Variants in CALN1 observed in about 807,000 individuals in gnomAD.
The protein encoded by CALN1 is calneuron 1.
In CALN1, 17 loss-of-function variants were observed where a neutral mutation model predicts 30.6. The observed-to-expected ratio is 0.56, with a 90% CI of 0.38 to 0.83. CALN1 has a LOEUF of 0.83. Among genes scored for constraint, CALN1 ranks in the 40% least tolerant of loss-of-function variants. The pLI is 0.00. For synonymous variants in CALN1, 156 were observed against 131.4 expected (o/e 1.19, Z -1.28); for missense variants, 291 against 354.9 (o/e 0.82, Z 1.45).
At chr7:72,326,462 A>C (rs779741905) in intron 2 of CALN1, among the ~76,000 whole-genome samples, 1 of 152,230 alleles carries the variant, frequency 6.6e-6, no homozygotes, top group Non-Finnish European at 1.5e-5. Context: ...GCTGAGATGG[A>C]ATATGTGTTT....
At chr7:72,158,855 T>A (rs1049438498) in intron 3 of CALN1, among the ~76,000 whole-genome samples, 5 of 151,886 alleles carry the variant, frequency 3.3e-5, no homozygotes, top group Admixed American at 1.3e-4. Context: ...TATTTATTTA[T>A]TTGTTTGTTT....
chr7:72,161,293 G>C lies in CALN1; in HGVS notation c.245-54999C>G, dbSNP rs146567671. Among the ~76,000 whole-genome samples, 16 of 152,236 alleles carry C rather than the reference G, an allele frequency of 1.1e-4. No homozygotes were observed. In the East Asian group the frequency reaches 2.5e-3, roughly 24 times the overall value. ...CATGGTGATTAATCATCTACCTGTT[G>C]AGCTGGTGGTCATGGACTTCAGAAA... On this transcript the variant is annotated intron_variant, in intron 3 of 6. Transcript: ENST00000395275.
rs575859636 is a variant in CALN1 at position 72,189,907 on chromosome 7, T to C, written c.245-83613A>G. ...CATAGGATACAATACTTTGAATGCA[T>C]ATAGCCGAATTCTGTCTGCTAGTAG... On this transcript the variant is annotated intron_variant, in intron 3 of 6. Transcript: ENST00000395275. 1.3e-3 allele frequency among the ~76,000 whole-genome samples: 193 copies of C among 152,316 alleles called. No individual in the cohort carries two copies. In the Middle Eastern group the frequency reaches 0.02, roughly 16 times the overall value.
chr7:72,159,604 C>A (rs1787957504), intron 3 of CALN1, among the ~76,000 whole-genome samples: 1 of 152,112 alleles, frequency 6.6e-6, no homozygotes, highest in African/African-American at 2.4e-5. Context: ...TTGAGACCCG[C>A]CTGGCCAACA....
chr7:72,114,321 G>C (rs1397138624), intron 3 of CALN1, among the ~76,000 whole-genome samples: 3 of 125,558 alleles, frequency 2.4e-5, no homozygotes, highest in African/African-American at 8.9e-5. Flanking sequence ...AGGCAACACT[G>C]TAGTTTACGT....
chr7:72,168,908 C>A (rs190688500), intron 3 of CALN1, among the ~76,000 whole-genome samples: 2 of 150,570 alleles, frequency 1.3e-5, no homozygotes, highest in Admixed American at 6.7e-5. Context: ...CAGGTTCAAG[C>A]GATTCTCCTG....
chr7:72,324,060 CAA>C (rs1460920967), intron 2 of CALN1, among the ~76,000 whole-genome samples: 1 of 151,924 alleles, frequency 6.6e-6, no homozygotes. Flanking sequence ...AAATGCAGTT[CAA>C]CAAGATCCCC....
intron 5 of CALN1, among the ~76,000 whole-genome samples, chr7:71,886,073 T>C (rs1409408809): frequency 6.6e-6 from 1 of 152,134 alleles, no homozygotes; most frequent in Non-Finnish European, 1.5e-5. Flanking sequence ...GGCTGAAAAA[T>C]TCAGGGTGGG....
the CALN1 span, among the ~76,000 whole-genome samples, chr7:72,486,227 T>C: frequency 4.3e-4 from 66 of 152,312 alleles, no homozygotes; most frequent in African/African-American, 1.4e-3. Flanking sequence ...TATTATAATC[T>C]TATGGGACCA....
At chr7:72,484,608 G>A in the CALN1 span, among the ~76,000 whole-genome samples, 1 of 152,158 alleles carries the variant, frequency 6.6e-6, no homozygotes, top group Admixed American at 6.5e-5. Flanking sequence ...TCGCCCTCTG[G>A]TAACTCAGGA....
In CALN1 at chr7:72,374,401, C is replaced by T. The variant is rs988416527; in HGVS notation, c.119+28850G>A. Among the ~76,000 whole-genome samples, 9 of 151,728 alleles carry T rather than the reference C, an allele frequency of 5.9e-5. No individual in the cohort carries two copies. In the South Asian group the frequency reaches 1.0e-3, roughly 18 times the overall value. ...AAAGTTAACCGGGTGTGGTGGAGGG[C>T]GCCTGTAATCTCAGCTATTCAGGAG... On this transcript the variant is annotated intron_variant, in intron 2 of 6. Coordinates refer to ENST00000395275, the MANE Select transcript of CALN1 (RefSeq NM_031468.4).
intron 2 of CALN1, among the ~76,000 whole-genome samples, chr7:72,300,389 T>A (rs1799171652): frequency 6.6e-6 from 1 of 151,772 alleles, no homozygotes; most frequent in Admixed American, 6.6e-5. Context: ...GAAAAGGCAC[T>A]GCGTTGTATT....
chr7:72,054,786 A>T (rs1358525003), intron 4 of CALN1, among the ~76,000 whole-genome samples: 1 of 152,050 alleles, frequency 6.6e-6, no homozygotes, highest in African/African-American at 2.4e-5. Flanking sequence ...CAGTACCCCA[A>T]ATAATTATTG....
At chr7:72,490,532 C>T in the CALN1 span, among the ~76,000 whole-genome samples, 2 of 152,170 alleles carry the variant, frequency 1.3e-5, no homozygotes, top group Non-Finnish European at 1.5e-5. Flanking sequence ...TATGGTTTAG[C>T]TCTGTGTCCC....
chr7:72,112,467 G>C (rs2129541631), intron 3 of CALN1, among the ~76,000 whole-genome samples: 1 of 152,326 alleles, frequency 6.6e-6, no homozygotes, highest in Non-Finnish European at 1.5e-5. Flanking sequence ...AGATGGCATT[G>C]AGACACTGCA....
rs1418465892 is a variant in CALN1, at chr7:71,959,438, A to G, written c.501+64219T>C. On this transcript the variant is annotated intron_variant, in intron 5 of 6. Transcript: ENST00000395275. Reference sequence around the variant, plus strand: ...GGTGAGAGGCAAGTCCTTTTGAGGAAAGGAAAATGGGCTTCCCCTTCTCCC... The same window carrying G: ...GGTGAGAGGCAAGTCCTTTTGAGGAGAGGAAAATGGGCTTCCCCTTCTCCC... Among the ~76,000 whole-genome samples, 6 of 152,138 alleles carry G rather than the reference A, an allele frequency of 3.9e-5. 1 individual carries two copies. The highest frequency in any genetic ancestry group is 1.4e-4 in the African/African-American group (6 of 41,436).
intron 6 of CALN1, among the ~76,000 whole-genome samples, chr7:71,807,158 G>A (rs1425563592): frequency 6.6e-6 from 1 of 152,188 alleles, no homozygotes; most frequent in Non-Finnish European, 1.5e-5. Flanking sequence ...TGGAAGCAAT[G>A]CAGCTGTGCA....
chr7:71,792,827 G>C (rs1786651382), intron 6 of CALN1, among the ~76,000 whole-genome samples: 1 of 152,020 alleles, frequency 6.6e-6, no homozygotes, highest in African/African-American at 2.4e-5. Context: ...TGGGCTGAGG[G>C]AGAAAGTTTT....
intron 5 of CALN1, among the ~76,000 whole-genome samples, chr7:71,835,273 C>G (rs1789537432): frequency 6.6e-6 from 1 of 152,212 alleles, no homozygotes; most frequent in Admixed American, 6.5e-5. Flanking sequence ...TAATATGGCA[C>G]TTGGATAAGT....
Sources: gnomAD v4.1 joint callset for allele counts (sites outside exome capture counted in the v4.1 genomes callset) on GRCh38, gnomAD v4.1.1 for gene constraint, MANE v1.5 for transcripts, NCBI Gene and HGNC (gene_info 2026-07-23, HGNC 2026-07-21) for gene names.